DNAAF4: variants seen among roughly 807,000 people sequenced by gnomAD.
DNAAF4 encodes the protein dynein axonemal assembly factor 4, also known as dynein assembly factor 4, axonemal.
Under a neutral mutation model 51.8 loss-of-function variants are expected in DNAAF4, and 43 were observed. The ratio of observed to expected loss-of-function variants is 0.83; its 90% CI spans 0.65 to 1.07. The LOEUF is 1.07. Ranked by LOEUF, DNAAF4 falls within the 50% of genes least tolerant of loss-of-function variation. The probability of loss-of-function intolerance (pLI) is 0.00; values close to 1 mark genes in which losing one functional copy is unlikely to be tolerated. For missense variants in DNAAF4, 581 were observed against 493.0 expected (o/e 1.18, Z -1.69); for synonymous variants, 194 against 165.6 (o/e 1.17, Z -1.32).
chr15:55,482,384 C>T (rs2058423894), intron 4 of DNAAF4, among the ~76,000 whole-genome samples: 1 of 152,060 alleles, frequency 6.6e-6, no homozygotes, highest in Non-Finnish European at 1.5e-5. Context: ...GAATTAAAAA[C>T]AGACACTCAA....
chr15:55,435,022 G>A lies in DNAAF4; in HGVS notation c.930C>T (p.Ile310=), dbSNP rs1228023741. ...LFATENYLAA[I]NAYNLAIRLN... ...GTCTTATGGCTAAATTATATGCATT[G>A]ATAGCTGCCAAATAGTTTTCCGTTG... The change falls in exon 8 of 10, where the codon ATC becomes ATT. Residue 310 remains isoleucine, a synonymous_variant. Transcript: ENST00000321149. 2 of 1,607,898 alleles carry A rather than the reference G, an allele frequency of 1.2e-6. No homozygotes were observed. The highest frequency in any genetic ancestry group is 1.7e-4 in the Middle Eastern group (1 of 5,946).
intron 3 of DNAAF4, among the ~76,000 whole-genome samples, chr15:55,496,723 C>T (rs1468945795): frequency 6.6e-6 from 1 of 151,854 alleles, no homozygotes; most frequent in Non-Finnish European, 1.5e-5. Context: ...CACTGTATCA[C>T]TTAAATTAGG....
At chr15:55,497,116 C>T (rs1176320951) in intron 3 of DNAAF4, among the ~76,000 whole-genome samples, 3 of 152,314 alleles carry the variant, frequency 2.0e-5, no homozygotes, top group East Asian at 3.9e-4. Flanking sequence ...TCCCCTCCCC[C>T]TTCCCCTATT....
At chr15:55,457,164 G>T (rs1042001247) in intron 5 of DNAAF4, among the ~76,000 whole-genome samples, 1 of 152,184 alleles carries the variant, frequency 6.6e-6, no homozygotes, top group African/African-American at 2.4e-5. Flanking sequence ...TCTGGGGCAA[G>T]ATCTCAGCCC....
chr15:55,477,032 C>T (rs947744974), intron 4 of DNAAF4, among the ~76,000 whole-genome samples: 4 of 151,928 alleles, frequency 2.6e-5, no homozygotes, highest in East Asian at 1.9e-4. Context: ...ATTAGCCGGG[C>T]GTGGTGGCAT....
chr15:55,466,361 C>T lies in DNAAF4; in HGVS notation c.637+569G>A, dbSNP rs1262014695. Among the ~76,000 whole-genome samples the T allele has an allele frequency of 2.0e-5, 3 of 152,020 alleles. No individual in the cohort carries two copies. In the East Asian group the frequency reaches 5.8e-4, roughly 29 times the overall value. ...ATGGCTTGAGCTGGGGAGGCAGAGGCTGCAGTGAGCTCAGATCACACCATT... is the reference window on the plus strand; with the variant it reads ...ATGGCTTGAGCTGGGGAGGCAGAGGTTGCAGTGAGCTCAGATCACACCATT... On this transcript the variant is annotated intron_variant, in intron 5 of 9. Coordinates refer to ENST00000321149, the MANE Select transcript of DNAAF4 (RefSeq NM_130810.4).
At chr15:55,500,679 G>C (rs2058692069) in intron 1 of DNAAF4, among the ~76,000 whole-genome samples, 1 of 152,146 alleles carries the variant, frequency 6.6e-6, no homozygotes, top group South Asian at 2.1e-4. Context: ...TTTAGACTCT[G>C]AATGAATTAT....
At position 55,486,608 on chromosome 15, in the gene DNAAF4, C is replaced by T. The variant is rs899193817; in HGVS notation, c.405+4515G>A. ...TTCCTGCTGGGCAACATAGTTAGAC[C>T]CCATCTCTACAAAAACTACAAAAAA... On this transcript the variant is annotated intron_variant, in intron 4 of 9. Coordinates refer to ENST00000321149, the MANE Select transcript of DNAAF4 (RefSeq NM_130810.4). Among the ~76,000 whole-genome samples, 3 of 151,720 alleles carry T rather than the reference C, an allele frequency of 2.0e-5. No homozygotes were observed. In the East Asian group the frequency reaches 5.8e-4, roughly 29 times the overall value.
chr15:55,503,381 T>C (rs927331008), intron 1 of DNAAF4, among the ~76,000 whole-genome samples: 1 of 152,188 alleles, frequency 6.6e-6, no homozygotes, highest in Admixed American at 6.5e-5. Context: ...TCTGAAACTA[T>C]TCCAATCAAT....
chr15:55,433,202 A>C (rs1027971745), intron 8 of DNAAF4, among the ~76,000 whole-genome samples: 1 of 152,192 alleles, frequency 6.6e-6, no homozygotes, highest in African/African-American at 2.4e-5. Context: ...CAGGAGGCTG[A>C]GGCAGGAGAA....
chr15:55,423,901 G>T (rs1255241138), intron 7 of DNAAF4, among the ~76,000 whole-genome samples: 101 of 152,254 alleles, frequency 6.6e-4, no homozygotes, highest in Non-Finnish European at 1.0e-4. Context: ...ACCAGCCTGG[G>T]CAACATGGTG....
intron 7 of DNAAF4, among the ~76,000 whole-genome samples, chr15:55,423,624 C>T (rs962000489): frequency 1.3e-5 from 2 of 152,104 alleles, no homozygotes; most frequent in African/African-American, 4.8e-5. Flanking sequence ...CTGAAGATAA[C>T]TAGAGAGTCA....
At chr15:55,443,359 GC>G (rs1175128033) in intron 6 of DNAAF4, 7 of 768,394 alleles carry the variant, frequency 9.1e-6, no homozygotes, top group Admixed American at 8.4e-5. Flanking sequence ...CCTCAGCATG[GC>G]TCAGGGCCGT....
chr15:55,501,404 C>T (rs1215181428), intron 1 of DNAAF4, among the ~76,000 whole-genome samples: 1 of 121,766 alleles, frequency 8.2e-6, no homozygotes, highest in African/African-American at 3.2e-5. Flanking sequence ...GAGGCGGAGT[C>T]TCGCTCTTTC....
intron 1 of DNAAF4, among the ~76,000 whole-genome samples, chr15:55,503,217 T>C (rs887692253): frequency 1.1e-4 from 17 of 151,896 alleles, no homozygotes; most frequent in African/African-American, 4.1e-4. Context: ...CTCCCAAAAC[T>C]AAACCAGGAA....
intron 7 of DNAAF4, among the ~76,000 whole-genome samples, chr15:55,438,000 A>G (rs1005038664): frequency 6.6e-6 from 1 of 152,228 alleles, no homozygotes; most frequent in African/African-American, 2.4e-5. Context: ...AATAAATAAT[A>G]TCTATAGCCG....
downstream of DNAAF4, among the ~76,000 whole-genome samples, chr15:55,426,563 G>A (rs893574212): frequency 6.6e-6 from 1 of 152,126 alleles, no homozygotes; most frequent in Non-Finnish European, 1.5e-5. Context: ...CTGAGTAGCT[G>A]GGATTACAGG....
downstream of DNAAF4, among the ~76,000 whole-genome samples, chr15:55,427,504 G>C (rs1347822614): frequency 1.3e-5 from 2 of 152,160 alleles, no homozygotes; most frequent in East Asian, 3.8e-4. Context: ...GGGGCCACAA[G>C]ATTAGATGAG....
chr15:55,452,134 G>A (rs888258080), intron 5 of DNAAF4, among the ~76,000 whole-genome samples: 1 of 149,186 alleles, frequency 6.7e-6, no homozygotes, highest in Non-Finnish European at 1.5e-5. Flanking sequence ...TGTAATCCCA[G>A]CTATTTGGGA....
Sources: gnomAD v4.1 joint callset for allele counts (sites outside exome capture counted in the v4.1 genomes callset) on GRCh38, gnomAD v4.1.1 for gene constraint, MANE v1.5 for transcripts, NCBI Gene and HGNC (gene_info 2026-07-23, HGNC 2026-07-21) for gene names.